Variants in DSCAM observed in about 807,000 individuals in gnomAD.
The protein encoded by DSCAM is cell adhesion molecule DSCAM.
Under a neutral mutation model 217.7 loss-of-function variants are expected in DSCAM, and 47 were observed. The observed-to-expected ratio is 0.22, with a 90% CI of 0.17 to 0.28. DSCAM has a LOEUF of 0.28. DSCAM is among the 10% of genes least tolerant of loss of function. DSCAM has a pLI of 1.00. For missense variants in DSCAM, 2,080 were observed against 2,618.3 expected, an observed-to-expected ratio of 0.79 and a Z score of 4.49; for synonymous variants, 1,056 against 1,015.3, an observed-to-expected ratio of 1.04 and a Z score of -0.76.
At chr21:40,175,797 ACACACACACACG>A (rs2090720127) in intron 15 of DSCAM, among the ~76,000 whole-genome samples, 5 of 108,302 alleles carry the variant, frequency 4.6e-5, no homozygotes, top group African/African-American at 1.8e-4. Context: ...ACACACACAC[ACACACACACACG>A]CACACACACA....
chr21:40,823,078 A>G (rs1311597352), intron 1 of DSCAM, among the ~76,000 whole-genome samples: 2 of 152,182 alleles, frequency 1.3e-5, no homozygotes, highest in East Asian at 3.9e-4. Flanking sequence ...TGAACCCGGG[A>G]GGCAGAAGTT....
chr21:40,209,863 G>A lies in DSCAM; in HGVS notation c.2357-20625C>T, dbSNP rs78243939. ...CCTTTTCCACTCCAGTCTATCCTAGGGCTCTGCCAGACTCAGCTTCCTCAC... is the reference window on the plus strand; with the variant it reads ...CCTTTTCCACTCCAGTCTATCCTAGAGCTCTGCCAGACTCAGCTTCCTCAC... On this transcript the variant is annotated intron_variant, in intron 11 of 32. Transcript: ENST00000400454. 3.1e-3 allele frequency among the ~76,000 whole-genome samples: 467 copies of A among 152,184 alleles called. 3 individuals carry two copies. The highest frequency in any genetic ancestry group is 0.011 in the African/African-American group (453 of 41,512).
intron 3 of DSCAM, among the ~76,000 whole-genome samples, chr21:40,497,586 G>T (rs2146026426): frequency 6.6e-6 from 1 of 152,252 alleles, no homozygotes; most frequent in Non-Finnish European, 1.5e-5. Flanking sequence ...ACAACATATT[G>T]TATTCCTGAA....
chr21:40,734,497 G>A (rs1270887030), intron 1 of DSCAM, among the ~76,000 whole-genome samples: 1 of 152,208 alleles, frequency 6.6e-6, no homozygotes, highest in Non-Finnish European at 1.5e-5. Flanking sequence ...CCAGAGCTTA[G>A]AGTCAAGCCA....
chr21:40,334,502 T>C (rs2074408920), intron 8 of DSCAM, among the ~76,000 whole-genome samples: 1 of 152,148 alleles, frequency 6.6e-6, no homozygotes, highest in South Asian at 2.1e-4. Context: ...GTCTGTCTTC[T>C]ACCCCCAACC....
chr21:40,394,793 G>A (rs2075163770), intron 3 of DSCAM, among the ~76,000 whole-genome samples: 1 of 152,182 alleles, frequency 6.6e-6, no homozygotes, highest in African/African-American at 2.4e-5. Context: ...ACTGAGAACT[G>A]TAGAACCGAA....
At chr21:40,468,289 C>G (rs2075861169) in intron 3 of DSCAM, among the ~76,000 whole-genome samples, 1 of 152,126 alleles carries the variant, frequency 6.6e-6, no homozygotes, top group Admixed American at 6.5e-5. Context: ...AGACCTGTGT[C>G]CTGGGTGCAC....
At chr21:40,387,176 A>AG (rs546027179) in intron 3 of DSCAM, among the ~76,000 whole-genome samples, 140 of 152,246 alleles carry the variant, frequency 9.2e-4, no homozygotes, top group African/African-American at 8.2e-4. Flanking sequence ...ATAAAGGAAG[A>AG]GGGGGGGTGA....
chr21:40,696,044 G>T (rs1257009771), intron 2 of DSCAM, among the ~76,000 whole-genome samples: 1 of 151,896 alleles, frequency 6.6e-6, no homozygotes, highest in African/African-American at 2.4e-5. Context: ...TAACTTTGTT[G>T]CAGTAACAGA....
At chr21:40,175,807 A>ACACACACACACACC (rs531907462) in intron 15 of DSCAM, among the ~76,000 whole-genome samples, 1 of 88,176 alleles carries the variant, frequency 1.1e-5, no homozygotes, top group Non-Finnish European at 2.6e-5. Flanking sequence ...ACACACACAC[A>ACACACACACACACC]CGCACACACA....
intron 1 of DSCAM, among the ~76,000 whole-genome samples, chr21:40,833,494 T>C (rs1425158338): frequency 6.6e-6 from 1 of 152,116 alleles, no homozygotes; most frequent in African/African-American, 2.4e-5. Flanking sequence ...ATTAATCACA[T>C]TATAATTTAA....
rs977884921 is a variant in DSCAM, at chr21:40,012,407, T to C, written c.*627A>G. On this transcript the variant is annotated 3_prime_UTR_variant, in exon 33 of 33. Transcript: ENST00000400454. ...TGGCAGAAGACGAGAGAAGCAGACA[T>C]GGAAATAAAGGCAGACAACCTTTTC... 1.3e-5 allele frequency: 2 copies of C among 152,098 alleles called. No individual in the cohort carries two copies. Among genetic ancestry groups the C allele is most frequent in the African/African-American group, 4.8e-5 (2 of 41,410 alleles). 9.4% of individuals were successfully genotyped at this position (152,098 alleles called of 1,614,324 possible).
At chr21:40,744,373 CAGGA>C (rs1452767130) in intron 1 of DSCAM, among the ~76,000 whole-genome samples, 1 of 152,112 alleles carries the variant, frequency 6.6e-6, no homozygotes, top group Non-Finnish European at 1.5e-5. Context: ...GCATGATCGG[CAGGA>C]AGGTCTGAAT....
intron 3 of DSCAM, among the ~76,000 whole-genome samples, chr21:40,674,339 T>C (rs1467142623): frequency 6.6e-6 from 1 of 152,200 alleles, no homozygotes; most frequent in Non-Finnish European, 1.5e-5. Flanking sequence ...AAATATGACA[T>C]TTATAATCTG....
intron 16 of DSCAM, among the ~76,000 whole-genome samples, chr21:40,152,149 A>C (rs2090430064): frequency 6.6e-6 from 1 of 152,168 alleles, no homozygotes; most frequent in African/African-American, 2.4e-5. Context: ...CAAAAAACTA[A>C]GGGCTCCCTT....
Position 40,659,377 on chromosome 21 carries a change from C to CTATG in DSCAM, c.508+33432_508+33433insCATA, listed in dbSNP as rs2090112046. Among the ~76,000 whole-genome samples, 6 of 147,730 alleles carry CTATG rather than the reference C, an allele frequency of 4.1e-5. No homozygotes were observed. The South Asian group carries it at 1.3e-3, about 31-fold the overall frequency. ...AGTATCTATCTATCTATCTATCTAT[C>CTATG]TATCTATCTATCTATCATCTCTCTC... is the stretch of plus-strand genomic sequence containing the variant. On this transcript the variant is annotated intron_variant, in intron 3 of 32. Coordinates refer to ENST00000400454, the MANE Select transcript of DSCAM (RefSeq NM_001389.5).
At chr21:40,168,427 G>A in intron 15 of DSCAM, among the ~76,000 whole-genome samples, 1 of 152,208 alleles carries the variant, frequency 6.6e-6, no homozygotes. Flanking sequence ...CACACTGAAA[G>A]AAGGTTGCAA....
chr21:40,146,020 A>C (rs963100059), intron 16 of DSCAM, among the ~76,000 whole-genome samples: 2 of 152,166 alleles, frequency 1.3e-5, no homozygotes, highest in African/African-American at 4.8e-5. Flanking sequence ...ATACATATAC[A>C]CGTACACACA....
intron 11 of DSCAM, among the ~76,000 whole-genome samples, chr21:40,250,790 C>G (rs531946223): frequency 3.7e-4 from 57 of 152,208 alleles, no homozygotes; most frequent in Non-Finnish European, 7.2e-4. Flanking sequence ...TGGAGGTGGC[C>G]GGAAGTAATT....
Sources: gnomAD v4.1 joint callset for allele counts (sites outside exome capture counted in the v4.1 genomes callset) on GRCh38, gnomAD v4.1.1 for gene constraint, MANE v1.5 for transcripts, NCBI Gene and HGNC (gene_info 2026-07-23, HGNC 2026-07-21) for gene names.